Variants in GRID1 observed in about 807,000 individuals in gnomAD.
The protein encoded by GRID1 is glutamate ionotropic receptor delta type subunit 1, also known as glutamate receptor ionotropic, delta-1.
GRID1 carries 28 observed loss-of-function variants against 98.0 expected under a neutral mutation model. The ratio of observed to expected loss-of-function variants is 0.29; its 90% CI spans 0.21 to 0.39. The LOEUF is 0.39. Ranked by LOEUF, GRID1 falls within the 10% of genes least tolerant of loss-of-function variation. The probability of loss-of-function intolerance (pLI) is 1.00; values close to 1 mark genes in which losing one functional copy is unlikely to be tolerated. For synonymous variants in GRID1, 553 were observed against 538.5 expected (o/e 1.03, Z -0.37); for missense variants, 1,111 against 1,340.5 (o/e 0.83, Z 2.67).
At position 86,341,084 on chromosome 10, in the gene GRID1, T is replaced by A. The variant is rs571380135; in HGVS notation, c.235+22857A>T. On this transcript the variant is annotated intron_variant, in intron 2 of 15. Transcript: ENST00000327946. ...CCCCACTCGCCCTTCTGTCTTTACC[T>A]CCTCCTGGGCACTTGTCCTTTGGCC... 4.6e-5 allele frequency among the ~76,000 whole-genome samples: 7 copies of A among 152,230 alleles called. No homozygotes were observed. The South Asian group carries it at 1.4e-3, about 32-fold the overall frequency.
intron 4 of GRID1, among the ~76,000 whole-genome samples, chr10:85,942,284 G>T (rs939600062): frequency 6.6e-6 from 1 of 152,262 alleles, no homozygotes; most frequent in African/African-American, 2.4e-5. Flanking sequence ...GTCTAGACCT[G>T]CCTCCTACCC....
intron 12 of GRID1, among the ~76,000 whole-genome samples, chr10:85,686,515 C>A (rs1351598850): frequency 2.0e-5 from 3 of 152,034 alleles, no homozygotes; most frequent in South Asian, 2.1e-4. Context: ...TATATGGTAT[C>A]TAAATAAATG....
intron 4 of GRID1, among the ~76,000 whole-genome samples, chr10:86,045,895 T>G (rs1276751244): frequency 6.6e-6 from 1 of 152,176 alleles, no homozygotes; most frequent in Non-Finnish European, 1.5e-5. Flanking sequence ...AGGATGCCAG[T>G]GGTTTACAAA....
chr10:86,067,025 C>T (rs1843729105), intron 4 of GRID1, among the ~76,000 whole-genome samples: 1 of 152,204 alleles, frequency 6.6e-6, no homozygotes, highest in South Asian at 2.1e-4. Flanking sequence ...CTTAATAGCG[C>T]ATAGAGCTGA....
At chr10:85,884,597 C>A (rs1841085656) in intron 5 of GRID1, among the ~76,000 whole-genome samples, 1 of 152,122 alleles carries the variant, frequency 6.6e-6, no homozygotes, top group Non-Finnish European at 1.5e-5. Flanking sequence ...TTGTTTGTTG[C>A]TTCAGAAATA....
chr10:85,933,092 T>C (rs918212705), intron 4 of GRID1, among the ~76,000 whole-genome samples: 8 of 152,136 alleles, frequency 5.3e-5, no homozygotes, highest in African/African-American at 1.7e-4. Context: ...ATGTCAGCAT[T>C]GCAAGAGTGG....
chr10:85,817,935 C>T (rs1664306257), intron 8 of GRID1, among the ~76,000 whole-genome samples: 1 of 152,092 alleles, frequency 6.6e-6, no homozygotes, highest in African/African-American at 2.4e-5. Context: ...AAAGGCATAA[C>T]CTCACTGAAG....
rs921701915 is a variant in GRID1, at chr10:86,365,455, A to G, written c.79+859T>C. On this transcript the variant is annotated intron_variant, in intron 1 of 15. Transcript: ENST00000327946. The surrounding 1 kb of genome is among the most constrained non-coding windows in gnomAD (Gnocchi z 4.8). ...CCACCCACTCCCCCTCGGCGCGCCC[A>G]CTCCCCCTCGGCGCGCCCCCTCCTC... Among the ~76,000 whole-genome samples the G allele has an allele frequency of 1.1e-5, 1 of 95,190 alleles. No individual in the cohort carries two copies. The highest frequency in any genetic ancestry group is 4.1e-5 in the African/African-American group (1 of 24,130). 62.4% of individuals were successfully genotyped at this position (95,190 alleles called of 152,430 possible). A position where few individuals can be genotyped will look rare whatever the true frequency, so the allele number is the denominator to read the frequency against.
chr10:86,226,213 C>T (rs1033729622), intron 2 of GRID1, among the ~76,000 whole-genome samples: 2 of 151,922 alleles, frequency 1.3e-5, no homozygotes, highest in African/African-American at 4.8e-5. Flanking sequence ...ACCCACCCAC[C>T]CCTGGCCGTC....
intron 5 of GRID1, among the ~76,000 whole-genome samples, chr10:85,902,328 G>A (rs1050065266): frequency 2.6e-5 from 4 of 152,302 alleles, no homozygotes; most frequent in East Asian, 1.9e-4. Flanking sequence ...GCAGTACAGC[G>A]AGAGCTTTCA....
At chr10:85,966,965 G>A (rs77191317) in intron 4 of GRID1, among the ~76,000 whole-genome samples, 4,024 of 152,296 alleles carry the variant, frequency 0.026, 120 homozygotes, top group East Asian at 0.13. Flanking sequence ...TGCCTTAAGG[G>A]CAGGGACAGG....
chr10:86,129,402 G>A (rs1844801970), intron 4 of GRID1, among the ~76,000 whole-genome samples: 3 of 152,188 alleles, frequency 2.0e-5, no homozygotes, highest in Admixed American at 2.0e-4. Context: ...CTTTGAGTCA[G>A]GGTGTTCAGC....
intron 3 of GRID1, among the ~76,000 whole-genome samples, chr10:86,191,702 G>A (rs1240794062): frequency 1.3e-5 from 2 of 152,162 alleles, no homozygotes; most frequent in African/African-American, 4.8e-5. Context: ...AGTACCCACT[G>A]GACAGTCATG....
At chr10:85,642,868 A>T (rs562064956) in intron 13 of GRID1, among the ~76,000 whole-genome samples, 8 of 152,324 alleles carry the variant, frequency 5.3e-5, no homozygotes, top group African/African-American at 1.9e-4. Context: ...GAGTAGCTAG[A>T]AAAATAAGGA....
intron 8 of GRID1, among the ~76,000 whole-genome samples, chr10:85,828,929 G>T (rs992623949): frequency 9.9e-5 from 15 of 152,086 alleles, no homozygotes; most frequent in African/African-American, 3.6e-4. Context: ...AAAAATTGAG[G>T]AGGAGGGACT....
intron 12 of GRID1, among the ~76,000 whole-genome samples, chr10:85,719,779 T>G (rs1245483772): frequency 6.6e-6 from 1 of 152,126 alleles, no homozygotes; most frequent in Non-Finnish European, 1.5e-5. Context: ...TGCCTCAAAC[T>G]TCATACAGAA....
chr10:86,005,009 C>T (rs1842844226), intron 4 of GRID1, among the ~76,000 whole-genome samples: 1 of 152,148 alleles, frequency 6.6e-6, no homozygotes, highest in African/African-American at 2.4e-5. Context: ...AACTTACCAA[C>T]GTCACATCAG....
chr10:86,302,517 A>G (rs2607842), intron 2 of GRID1, among the ~76,000 whole-genome samples: 32,648 of 152,148 alleles, frequency 0.21, 5,785 homozygotes, highest in African/African-American at 0.48. Flanking sequence ...CATGAATCGC[A>G]GTGAAAGGTT....
chr10:86,138,903 T>C lies in GRID1; in HGVS notation c.642A>G (p.Thr214=). ...TGTCCCGGTAGCGATTCAGCTCCTCTGTCTTCATCGTGGTGAAGAGGCTGG... is the reference window on the plus strand; with the variant it reads ...TGTCCCGGTAGCGATTCAGCTCCTCCGTCTTCATCGTGGTGAAGAGGCTGG... The part of the protein sequence containing the change: ...VFTSLFTTMK[T]EELNRYRDTL... The change falls in exon 4 of 16, where the codon ACA becomes ACG. Residue 214 remains threonine (T), a synonymous_variant. Transcript: ENST00000327946. The C allele has an allele frequency of 3.1e-6, 5 of 1,614,064 alleles. No individual in the cohort carries two copies. The highest frequency in any genetic ancestry group is 4.2e-6 in the Non-Finnish European group (5 of 1,179,864).
Sources: gnomAD v4.1 joint callset for allele counts (sites outside exome capture counted in the v4.1 genomes callset) on GRCh38, gnomAD v4.1.1 for gene constraint, Gnocchi (gnomAD v3.1) non-coding constraint, MANE v1.5 for transcripts, NCBI Gene and HGNC (gene_info 2026-07-23, HGNC 2026-07-21) for gene names.